Variants in CA12 observed in about 807,000 individuals in gnomAD.
CA12 encodes carbonate dehydratase XII.
Under a neutral mutation model 46.8 loss-of-function variants are expected in CA12, and 36 were observed. The observed-to-expected ratio is 0.77, with a 90% CI of 0.59 to 1.02. The LOEUF (loss-of-function observed/expected upper bound fraction) is 1.02, where lower values mean the gene tolerates loss of function less well. CA12 is among the 50% of genes least tolerant of loss of function. The pLI is 0.00. For synonymous variants in CA12, 202 were observed against 187.0 expected (o/e 1.08, Z -0.65); for missense variants, 436 against 451.4 (o/e 0.97, Z 0.31).
chr15:63,359,627 T>TTACA (rs2039335378), intron 2 of CA12, among the ~76,000 whole-genome samples: 1 of 152,186 alleles, frequency 6.6e-6, no homozygotes, highest in African/African-American at 2.4e-5. Context: ...ATCTATATGC[T>TTACA]ATATGCTACA....
chr15:63,329,334 C>G lies in CA12; in HGVS notation c.875-1204G>C, dbSNP rs2038907131. Among the ~76,000 whole-genome samples, 1 of 152,152 alleles carries G rather than the reference C, an allele frequency of 6.6e-6. No homozygotes were observed. Among genetic ancestry groups the G allele is most frequent in the African/African-American group, 2.4e-5 (1 of 41,428 alleles). On this transcript the variant is annotated intron_variant, in intron 8 of 10. Transcript: ENST00000178638. The surrounding 1 kb of genome is among the most constrained non-coding windows in gnomAD (Gnocchi z 4.8). Reference sequence around the variant, plus strand: ...TCAGTGTGGCTGAACCCGTGCCCAGCTACCTAAGTCTCACAGTCAGCCTAC... The same window carrying G: ...TCAGTGTGGCTGAACCCGTGCCCAGGTACCTAAGTCTCACAGTCAGCCTAC...
In CA12 at chr15:63,326,145, G is replaced by T; in HGVS notation, c.*140C>A. On this transcript the variant is annotated 3_prime_UTR_variant, in exon 11 of 11. Transcript: ENST00000178638. Reference sequence around the variant, plus strand: ...TGGTCCCAAGGCAAGGAGGCACCCAGCAGAGGATCCCTGAGGCCTGGCATG... The same window carrying T: ...TGGTCCCAAGGCAAGGAGGCACCCATCAGAGGATCCCTGAGGCCTGGCATG... The T allele has an allele frequency of 1.4e-6, 1 of 723,408 alleles. No individual in the cohort carries two copies. Among genetic ancestry groups the T allele is most frequent in the Non-Finnish European group, 2.5e-6 (1 of 402,878 alleles). 44.8% of individuals were successfully genotyped at this position (723,408 alleles called of 1,614,324 possible).
At chr15:63,380,198 G>A (rs1024650974) in intron 1 of CA12, among the ~76,000 whole-genome samples, 1 of 152,188 alleles carries the variant, frequency 6.6e-6, no homozygotes. Flanking sequence ...AGGCGAAAGT[G>A]GAGTTTTGAC....
chr15:63,330,874 G>A lies in CA12; in HGVS notation c.875-2744C>T, dbSNP rs1339382668. On this transcript the variant is annotated intron_variant, in intron 8 of 10. Coordinates refer to ENST00000178638, the MANE Select transcript of CA12 (RefSeq NM_001218.5). The surrounding 1 kb of genome is among the most constrained non-coding windows in gnomAD (Gnocchi z 4.0). ...GTCAAGGCCTAAATGGACTCTCCTTGGAAACAACGAAATGAGACCAAACAG... is the reference window on the plus strand; with the variant it reads ...GTCAAGGCCTAAATGGACTCTCCTTAGAAACAACGAAATGAGACCAAACAG... Among the ~76,000 whole-genome samples the A allele has an allele frequency of 1.3e-5, 2 of 152,162 alleles. No individual in the cohort carries two copies. The highest frequency in any genetic ancestry group is 2.9e-5 in the Non-Finnish European group (2 of 68,038).
Position 63,372,334 on chromosome 15 carries a change from T to C in CA12, c.106+3324A>G, listed in dbSNP as rs2039518118. Among the ~76,000 whole-genome samples, 1 of 152,202 alleles carries C rather than the reference T, an allele frequency of 6.6e-6. No individual in the cohort carries two copies. Among genetic ancestry groups the C allele is most frequent in the South Asian group, 2.1e-4 (1 of 4,828 alleles). ...CTAAGCCCAGCAGCCATTCAGCTGC[T>C]GTTTCAGCACCCTAGGAGGGGCTCA... is the stretch of plus-strand genomic sequence containing the variant. On this transcript the variant is annotated intron_variant, in intron 2 of 10. Transcript: ENST00000178638. This position sits in a 1 kb window ranked among gnomAD's most constrained non-coding sequence, Gnocchi z 4.5.
chr15:63,326,366 G>A lies in CA12; in HGVS notation c.993-9C>T, dbSNP rs2152608882. On this transcript the variant is annotated splice_polypyrimidine_tract_variant and intron_variant, in intron 10 of 10. Transcript: ENST00000178638. Reference sequence around the variant, plus strand: ...TATCACCTTTTTTGATACTAGAACAGAAAGAACACATAACTCTTGTTAGAG... The same window carrying A: ...TATCACCTTTTTTGATACTAGAACAAAAAGAACACATAACTCTTGTTAGAG... 6.2e-7 allele frequency: 1 copy of A among 1,609,820 alleles called. No homozygotes were observed. Among genetic ancestry groups the A allele is most frequent in the Non-Finnish European group, 8.5e-7 (1 of 1,176,176 alleles).
chr15:63,345,489 G>C lies in CA12; in HGVS notation c.417C>G (p.His139Gln). The part of the protein sequence containing the change: ...HGSEHTVSGQ[H>Q]FAAELHIVHY... ...CAGCCCTACTTACCTCGGCGGCGAA[G>C]TGCTGTCCGCTGACGGTGTGCTCAG... is the stretch of plus-strand genomic sequence containing the variant. Residue 139 changes from histidine to glutamine, a missense_variant, in exon 4 of 11, where the codon CAC becomes CAG. His to Gln is a conservative substitution (Grantham distance 24). Coordinates refer to ENST00000178638, the MANE Select transcript of CA12 (RefSeq NM_001218.5). This position sits in a 1 kb window ranked among gnomAD's most constrained non-coding sequence, Gnocchi z 4.3. The C allele has an allele frequency of 5.0e-6, 8 of 1,608,972 alleles. No individual in the cohort carries two copies. The highest frequency in any genetic ancestry group is 1.3e-5 in the African/African-American group (1 of 75,068).
rs993093483 is a variant in CA12 at position 63,325,443 on chromosome 15, G to A, written c.*842C>T. 6.6e-6 allele frequency: 1 copy of A among 151,430 alleles called. No individual in the cohort carries two copies. Among genetic ancestry groups the A allele is most frequent in the Non-Finnish European group, 1.5e-5 (1 of 68,000 alleles). The allele number at this position is 151,430 out of a possible 1,614,324, so 9.4% of individuals were successfully genotyped here. On this transcript the variant is annotated 3_prime_UTR_variant, in exon 11 of 11. Transcript: ENST00000178638. This position sits in a 1 kb window ranked among gnomAD's most constrained non-coding sequence, Gnocchi z 4.9. ...TAAAACATAACTGCTCCACTGACAG[G>A]AGGTTGGATTTGGACTTAATATTGT...
intron 2 of CA12, among the ~76,000 whole-genome samples, chr15:63,367,898 C>T (rs554480764): frequency 2.2e-4 from 34 of 152,264 alleles, no homozygotes; most frequent in South Asian, 4.1e-4. Flanking sequence ...CTTGTGAGAA[C>T]GACCCAACAT....
rs2039520026 is a variant in CA12 at position 63,372,507 on chromosome 15, GCCAGACAGTGGGAGGCC to G, written c.106+3134_106+3150del. 6.6e-6 allele frequency among the ~76,000 whole-genome samples: 1 copy of G among 152,220 alleles called. No homozygotes were observed. Among genetic ancestry groups the G allele is most frequent in the Non-Finnish European group, 1.5e-5 (1 of 68,030 alleles). On this transcript the variant is annotated intron_variant, in intron 2 of 10. Coordinates refer to ENST00000178638, the MANE Select transcript of CA12 (RefSeq NM_001218.5). This position sits in a 1 kb window ranked among gnomAD's most constrained non-coding sequence, Gnocchi z 4.5. The stretch of plus-strand genomic sequence containing the variant: ...TACTTCTAAAAGTCCTACCATGTGT[GCCAGACAGTGGGAGGCC>G]CCTGGAGAATGACTCAGCAGTGTAC...
intron 2 of CA12, among the ~76,000 whole-genome samples, chr15:63,350,045 T>A (rs2039207482): frequency 6.6e-6 from 1 of 152,216 alleles, no homozygotes. Context: ...GGGGCACTAA[T>A]TGAAAAAGAA....
chr15:63,363,326 T>A (rs1266517161), intron 2 of CA12, among the ~76,000 whole-genome samples: 1 of 152,218 alleles, frequency 6.6e-6, no homozygotes, highest in Non-Finnish European at 1.5e-5. Flanking sequence ...AATGTCACCT[T>A]CTCTCTGGTG....
At chr15:63,336,126 G>A (rs1457298734) in intron 8 of CA12, among the ~76,000 whole-genome samples, 5 of 152,332 alleles carry the variant, frequency 3.3e-5, no homozygotes, top group South Asian at 2.1e-4. Flanking sequence ...TGGGCAAACC[G>A]TGGAGGAAGA....
At chr15:63,367,799 G>A (rs2039454722) in intron 2 of CA12, among the ~76,000 whole-genome samples, 1 of 152,170 alleles carries the variant, frequency 6.6e-6, no homozygotes, top group East Asian at 1.9e-4. Context: ...TAAATTGAAC[G>A]CTTGTCAGGT....
At chr15:63,359,358 A>G (rs902801473) in intron 2 of CA12, among the ~76,000 whole-genome samples, 2 of 151,464 alleles carry the variant, frequency 1.3e-5, no homozygotes, top group Non-Finnish European at 2.9e-5. Context: ...ACCACACCAA[A>G]TGCCTGGCGA....
At position 63,354,432 on chromosome 15, in the gene CA12, G is replaced by A. The variant is rs573814081; in HGVS notation, c.107-7723C>T. 2.0e-5 allele frequency among the ~76,000 whole-genome samples: 3 copies of A among 150,286 alleles called. No individual in the cohort carries two copies. In the South Asian group the frequency reaches 6.2e-4, roughly 31 times the overall value. On this transcript the variant is annotated intron_variant, in intron 2 of 10. Transcript: ENST00000178638. ...TTTTGTCTAATTTTTGTTTGGGTCAGCTGGAGACGGAGGGTTGAGACTTGG... is the reference window on the plus strand; with the variant it reads ...TTTTGTCTAATTTTTGTTTGGGTCAACTGGAGACGGAGGGTTGAGACTTGG...
At chr15:63,350,691 T>C (rs1004801551) in intron 2 of CA12, among the ~76,000 whole-genome samples, 1 of 152,340 alleles carries the variant, frequency 6.6e-6, no homozygotes, top group African/African-American at 2.4e-5. Context: ...TGATTTCTGA[T>C]TGGGAATTTT....
chr15:63,375,830 G>A, intron 1 of CA12, 152 bp from the exon 2 acceptor site: 1 of 641,602 alleles, frequency 1.6e-6, no homozygotes, highest in Admixed American at 2.8e-5. Flanking sequence ...TTTTTTCAAG[G>A]TGGAGTATTG....
chr15:63,340,484 C>T lies in CA12; in HGVS notation c.590-39G>A. 1.2e-6 allele frequency: 2 copies of T among 1,612,842 alleles called. No individual in the cohort carries two copies. Among genetic ancestry groups the T allele is most frequent in the Non-Finnish European group, 1.7e-6 (2 of 1,178,828 alleles). Reference sequence around the variant, plus strand: ...TTGCAGAGGTGATAGTGTCAGCCTCCCTCCGTAGGGCATAAGTGCAGCTGA... The same window carrying T: ...TTGCAGAGGTGATAGTGTCAGCCTCTCTCCGTAGGGCATAAGTGCAGCTGA... On this transcript the variant is annotated intron_variant, in intron 6 of 10. Coordinates refer to ENST00000178638, the MANE Select transcript of CA12 (RefSeq NM_001218.5). This position sits in a 1 kb window ranked among gnomAD's most constrained non-coding sequence, Gnocchi z 4.4.
Sources: gnomAD v4.1 joint callset for allele counts (sites outside exome capture counted in the v4.1 genomes callset) on GRCh38, gnomAD v4.1.1 for gene constraint, Gnocchi (gnomAD v3.1) non-coding constraint, MANE v1.5 for transcripts, NCBI Gene and HGNC (gene_info 2026-07-23, HGNC 2026-07-21) for gene names.